The following ZNF704 variants were observed in gnomAD, a reference collection of about 807,000 sequenced individuals.
ZNF704 encodes the protein zinc finger protein 704, also known as glucocorticoid induced gene 1.
Under a neutral mutation model 44.7 loss-of-function variants are expected in ZNF704, and 10 were observed. That is an observed-to-expected ratio of 0.22 (90% CI 0.14 to 0.38). The LOEUF is 0.38. Ranked by LOEUF, ZNF704 falls within the 10% of genes least tolerant of loss-of-function variation. The pLI is 1.00. For missense variants in ZNF704, 390 were observed against 545.5 expected, an observed-to-expected ratio of 0.71 and a Z score of 2.84; for synonymous variants, 211 against 207.6, an observed-to-expected ratio of 1.02 and a Z score of -0.14.
chr8:80,687,427 G>T lies in ZNF704; in HGVS notation c.357C>A (p.Gly119=). 1 of 1,588,784 alleles carries T rather than the reference G, an allele frequency of 6.3e-7. No homozygotes were observed. Among genetic ancestry groups the T allele is most frequent in the East Asian group, 2.3e-5 (1 of 44,120 alleles). Residue 119 remains glycine (G), a synonymous_variant, in exon 4 of 9, where the codon GGC becomes GGA. Coordinates refer to ENST00000327835, the MANE Select transcript of ZNF704 (RefSeq NM_001033723.3). ...ESLSGSWKEG[G]CVPSSTSSSG... ...TGCTGCTGGTGCTGGAAGGCACGCAGCCGCCCTCCTTCCAGGATCCGCTGA... is the reference window on the plus strand; with the variant it reads ...TGCTGCTGGTGCTGGAAGGCACGCATCCGCCCTCCTTCCAGGATCCGCTGA...
intron 2 of ZNF704, among the ~76,000 whole-genome samples, chr8:80,779,591 A>C (rs897559314): frequency 5.9e-5 from 9 of 152,146 alleles, no homozygotes; most frequent in African/African-American, 1.4e-4. Context: ...ACATCTTTAC[A>C]TTATCTAAAG....
chr8:80,711,869 C>G (rs1818992499), intron 2 of ZNF704, among the ~76,000 whole-genome samples: 1 of 152,188 alleles, frequency 6.6e-6, no homozygotes, highest in Non-Finnish European at 1.5e-5. Flanking sequence ...CCCACTGTCT[C>G]TATCGATGCA....
intron 1 of ZNF704, among the ~76,000 whole-genome samples, chr8:80,850,877 C>T (rs914382928): frequency 1.4e-4 from 21 of 152,314 alleles, no homozygotes; most frequent in African/African-American, 4.6e-4. Flanking sequence ...AGGTGACAAA[C>T]TGAGCAGGCT....
intron 2 of ZNF704, among the ~76,000 whole-genome samples, chr8:80,764,641 T>C (rs1268673623): frequency 6.6e-6 from 1 of 152,104 alleles, no homozygotes; most frequent in Non-Finnish European, 1.5e-5. Context: ...ATTTGGAGAG[T>C]GGTTGTGGTC....
intron 2 of ZNF704, among the ~76,000 whole-genome samples, chr8:80,759,009 C>G (rs1402576705): frequency 6.6e-6 from 1 of 152,146 alleles, no homozygotes; most frequent in African/African-American, 2.4e-5. Context: ...TTTCTGACTC[C>G]AAAGTTCATG....
rs765592417 is a variant in ZNF704, at chr8:80,659,704, A to G, written c.928-15T>C. On this transcript the variant is annotated splice_polypyrimidine_tract_variant and intron_variant, in intron 6 of 8. Coordinates refer to ENST00000327835, the MANE Select transcript of ZNF704 (RefSeq NM_001033723.3). ...GGGGGTGTGGCCTGTCAAATAAAAA[A>G]CAGAGAAAGCTGTTATGAAGGAATA... 1.2e-6 allele frequency: 2 copies of G among 1,610,064 alleles called. No individual in the cohort carries two copies. Among genetic ancestry groups the G allele is most frequent in the Non-Finnish European group, 1.7e-6 (2 of 1,176,794 alleles).
intron 2 of ZNF704, among the ~76,000 whole-genome samples, chr8:80,760,002 T>C (rs1288443713): frequency 1.3e-5 from 2 of 151,742 alleles, no homozygotes; most frequent in Non-Finnish European, 2.9e-5. Flanking sequence ...AGTGATCCTC[T>C]TGCCCCTGCC....
chr8:80,701,988 T>G (rs1001646926), intron 2 of ZNF704, among the ~76,000 whole-genome samples: 1 of 152,096 alleles, frequency 6.6e-6, no homozygotes, highest in Non-Finnish European at 1.5e-5. Context: ...GTTCTTCAGA[T>G]GAAAGGAACT....
chr8:80,669,384 G>T (rs778842482), intron 5 of ZNF704, among the ~76,000 whole-genome samples: 16 of 152,104 alleles, frequency 1.1e-4, no homozygotes, highest in Admixed American at 3.9e-4. Context: ...TTACACATAA[G>T]GTAGACTCTG....
intron 1 of ZNF704, among the ~76,000 whole-genome samples, chr8:80,856,678 G>T (rs1808967596): frequency 6.6e-6 from 1 of 151,900 alleles, no homozygotes; most frequent in Non-Finnish European, 1.5e-5. Context: ...ATTTCTGTTG[G>T]GTCTATTTTG....
chr8:80,809,181 C>A (rs972744733), intron 2 of ZNF704, among the ~76,000 whole-genome samples: 7 of 152,144 alleles, frequency 4.6e-5, no homozygotes, highest in Non-Finnish European at 8.8e-5. Flanking sequence ...GTCCCAGCTA[C>A]TCAGGAGGCT....
At chr8:80,786,266 TAAGTA>T (rs1386622637) in intron 2 of ZNF704, among the ~76,000 whole-genome samples, 1 of 151,772 alleles carries the variant, frequency 6.6e-6, no homozygotes, top group Non-Finnish European at 1.5e-5. Flanking sequence ...CTGTCTTAAA[TAAGTA>T]AATAAGGCAT....
intron 2 of ZNF704, among the ~76,000 whole-genome samples, chr8:80,717,968 G>C (rs913343183): frequency 2.6e-5 from 4 of 152,134 alleles, no homozygotes; most frequent in African/African-American, 9.7e-5. Context: ...GTGCAAAGGT[G>C]CATTTTTCTA....
Position 80,693,019 on chromosome 8 carries a change from G to A in ZNF704, c.310C>T (p.Pro104Ser). 6.2e-7 allele frequency: 1 copy of A among 1,614,160 alleles called. No homozygotes were observed. The highest frequency in any genetic ancestry group is 1.3e-5 in the African/African-American group (1 of 75,046). ...CTGGGCTTACCGTTCGGCCGCACGG[G>A]AGGACTTCGAACCAAAGGGCTAGTC... ...LSTSPLVRSP[P>S]VRPNESLSGS... is the part of the protein sequence containing the mutation. The change falls in exon 3 of 9, where the codon CCC becomes TCC. Residue 104 changes from proline to serine, a missense_variant. Physicochemically the swap from Pro to Ser is moderately conservative, Grantham distance 74 (BLOSUM62 -1). Around this residue, in one of 3 missense-constraint regions of ZNF704, gnomAD observed 305 missense variants for 435.7 expected, o/e 0.70. Transcript: ENST00000327835.
At chr8:80,708,568 T>C (rs1205101613) in intron 2 of ZNF704, among the ~76,000 whole-genome samples, 1 of 152,270 alleles carries the variant, frequency 6.6e-6, no homozygotes, top group East Asian at 1.9e-4. Flanking sequence ...TAATATTTAA[T>C]GTGGAAAGCA....
chr8:80,768,292 C>T (rs1299095614), intron 2 of ZNF704, among the ~76,000 whole-genome samples: 2 of 151,934 alleles, frequency 1.3e-5, no homozygotes, highest in Non-Finnish European at 2.9e-5. Flanking sequence ...AAAAATAAAG[C>T]TTTATGTGAT....
intron 2 of ZNF704, among the ~76,000 whole-genome samples, chr8:80,738,925 C>T (rs1006111395): frequency 6.6e-6 from 1 of 152,138 alleles, no homozygotes; most frequent in Non-Finnish European, 1.5e-5. Flanking sequence ...GGGATGAAAT[C>T]TGAGATATGA....
At chr8:80,771,595 T>C (rs892542723) in intron 2 of ZNF704, among the ~76,000 whole-genome samples, 6 of 152,214 alleles carry the variant, frequency 3.9e-5, no homozygotes, top group Non-Finnish European at 7.4e-5. Context: ...GGAGTCTTTT[T>C]AAAAATAAAT....
chr8:80,748,422 T>C (rs1263779913), intron 2 of ZNF704, among the ~76,000 whole-genome samples: 2 of 152,182 alleles, frequency 1.3e-5, no homozygotes, highest in African/African-American at 2.4e-5. Flanking sequence ...CCTGGTGCCA[T>C]GGCATCTGAG....
Sources: gnomAD v4.1 joint callset for allele counts (sites outside exome capture counted in the v4.1 genomes callset) on GRCh38, gnomAD v4.1.1 for gene constraint, gnomAD v4.1.1 regional missense constraint, MANE v1.5 for transcripts, NCBI Gene and HGNC (gene_info 2026-07-23, HGNC 2026-07-21) for gene names.